Variants in STAT1 observed in about 807,000 individuals in gnomAD.
STAT1 encodes the protein signal transducer and activator of transcription 1.
Under a neutral mutation model 111.7 loss-of-function variants are expected in STAT1, and 24 were observed. The ratio of observed to expected loss-of-function variants is 0.21; its 90% confidence interval spans 0.16 to 0.30. The LOEUF is 0.30. STAT1 is among the 10% of genes least tolerant of loss of function. STAT1 has a pLI of 1.00. For synonymous variants in STAT1, 332 were observed against 326.5 expected, an observed-to-expected ratio of 1.02 and a Z score of -0.18; for missense variants, 351 against 911.9, an observed-to-expected ratio of 0.38 and a Z score of 7.92.
chr2:190,993,199 C>A lies in STAT1; in HGVS notation c.944+1862G>T. On this transcript the variant is annotated intron_variant, in intron 10 of 24. Transcript: ENST00000361099. This position sits in a 1 kb window ranked among gnomAD's most constrained non-coding sequence, Gnocchi z 4.1. The stretch of plus-strand genomic sequence containing the variant: ...TCTCTGTGGTCAGATCACACTTGTT[C>A]CCTACCAACAATTTGTTGACGTTTT... The A allele has an allele frequency of 3.7e-6, 2 of 542,184 alleles. No individual in the cohort carries two copies. Among genetic ancestry groups the A allele is most frequent in the Admixed American group, 5.5e-5 (2 of 36,176 alleles). The allele number at this position is 542,184 out of a possible 1,614,324, so 33.6% of individuals were successfully genotyped here.
chr2:191,002,324 C>T (rs769755888), intron 5 of STAT1, among the ~76,000 whole-genome samples: 2 of 152,176 alleles, frequency 1.3e-5, no homozygotes, highest in Non-Finnish European at 2.9e-5. Flanking sequence ...CATGAATTTC[C>T]ATATGCACAC....
chr2:191,004,945 A>G lies in STAT1; in HGVS notation c.372+2618T>C, dbSNP rs1344779702. The stretch of plus-strand genomic sequence containing the variant: ...TGCAACTAGCTTTTTCACCACAAAG[A>G]AAAAAAGAAAGAAAAAAACTTAGTG... On this transcript the variant is annotated intron_variant, in intron 5 of 24. Transcript: ENST00000361099. The surrounding 1 kb of genome is among the most constrained non-coding windows in gnomAD (Gnocchi z 5.0). Among the ~76,000 whole-genome samples the G allele has an allele frequency of 2.0e-5, 3 of 152,148 alleles. No individual in the cohort carries two copies. Among genetic ancestry groups the G allele is most frequent in the African/African-American group, 7.2e-5 (3 of 41,386 alleles).
rs948902265 is a variant in STAT1, at chr2:190,977,713, G to C, written c.1874-688C>G. On this transcript the variant is annotated intron_variant, in intron 21 of 24. Transcript: ENST00000361099. This position sits in a 1 kb window ranked among gnomAD's most constrained non-coding sequence, Gnocchi z 4.7. ...GCTGCCATCCTAACCCTTCCTGGCT[G>C]GTAGTGTCCTGCTTGACCTTTCCTG... Among the ~76,000 whole-genome samples the C allele has an allele frequency of 6.6e-5, 10 of 152,050 alleles. No homozygotes were observed. The highest frequency in any genetic ancestry group is 5.9e-4 in the Admixed American group (9 of 15,252).
Position 190,993,307 on chromosome 2 carries a change from G to A in STAT1, c.944+1754C>T. ...GATCTGTCACATCATACACCACTAG[G>A]ATGCCATTGGCTCCTCTGTAATAAC... On this transcript the variant is annotated intron_variant, in intron 10 of 24. Transcript: ENST00000361099. The surrounding 1 kb of genome is among the most constrained non-coding windows in gnomAD (Gnocchi z 4.1). 1 of 689,658 alleles carries A rather than the reference G, an allele frequency of 1.4e-6. No homozygotes were observed. The highest frequency in any genetic ancestry group is 2.7e-6 in the Non-Finnish European group (1 of 372,606). The allele number at this position is 689,658 out of a possible 1,614,324, so 42.7% of individuals were successfully genotyped here.
At position 190,990,103 on chromosome 2, in the gene STAT1, T is replaced by C. The variant is rs1184205168; in HGVS notation, c.1038-429A>G. Reference sequence around the variant, plus strand: ...GGGAGACAATAAAAACTATTGCCCATAAGCAGAAAAAATAGCGTCCCATCT... The same window carrying C: ...GGGAGACAATAAAAACTATTGCCCACAAGCAGAAAAAATAGCGTCCCATCT... On this transcript the variant is annotated intron_variant, in intron 11 of 24. Transcript: ENST00000361099. This position sits in a 1 kb window ranked among gnomAD's most constrained non-coding sequence, Gnocchi z 5.1. Among the ~76,000 whole-genome samples the C allele has an allele frequency of 1.3e-5, 2 of 152,160 alleles. No homozygotes were observed. Among genetic ancestry groups the C allele is most frequent in the Non-Finnish European group, 2.9e-5 (2 of 68,024 alleles).
rs1229211126 is a variant in STAT1 at position 191,007,256 on chromosome 2, T to C, written c.372+307A>G. On this transcript the variant is annotated intron_variant, in intron 5 of 24. Coordinates refer to ENST00000361099, the MANE Select transcript of STAT1 (RefSeq NM_007315.4). The surrounding 1 kb of genome is among the most constrained non-coding windows in gnomAD (Gnocchi z 4.2). ...GCAACTCAGAGGCCTTTCCTGACCC[T>C]GATCTAAAGGAACAACCCCACTCCC... is the stretch of plus-strand genomic sequence containing the variant. Among the ~76,000 whole-genome samples the C allele has an allele frequency of 1.3e-5, 2 of 152,154 alleles. No individual in the cohort carries two copies. The highest frequency in any genetic ancestry group is 4.8e-5 in the African/African-American group (2 of 41,418).
chr2:191,007,166 T>G lies in STAT1; in HGVS notation c.372+397A>C, dbSNP rs1694769290. ...TCCACTGATTCTACTGAGCGCAAGCTTCCACTGCCTCTACCTTGGACAGCT... is the reference window on the plus strand; with the variant it reads ...TCCACTGATTCTACTGAGCGCAAGCGTCCACTGCCTCTACCTTGGACAGCT... On this transcript the variant is annotated intron_variant, in intron 5 of 24. Transcript: ENST00000361099. This position sits in a 1 kb window ranked among gnomAD's most constrained non-coding sequence, Gnocchi z 4.2. Among the ~76,000 whole-genome samples the G allele has an allele frequency of 6.6e-6, 1 of 152,198 alleles. No individual in the cohort carries two copies. The highest frequency in any genetic ancestry group is 2.4e-5 in the African/African-American group (1 of 41,454).
chr2:190,977,152 T>A lies in STAT1; in HGVS notation c.1874-127A>T. ...TAAGAACTAATCACAATCTAAGCAT[T>A]ATAACATATACAGTAGACTGCTTTA... On this transcript the variant is annotated intron_variant, in intron 21 of 24. Transcript: ENST00000361099. The surrounding 1 kb of genome is among the most constrained non-coding windows in gnomAD (Gnocchi z 4.7). The A allele has an allele frequency of 1.1e-6, 1 of 872,184 alleles. No homozygotes were observed. Among genetic ancestry groups the A allele is most frequent in the East Asian group, 2.6e-5 (1 of 38,308 alleles). The allele number at this position is 872,184 out of a possible 1,614,324, so 54.0% of individuals were successfully genotyped here. A position where few individuals can be genotyped will look rare whatever the true frequency, so the allele number is the denominator to read the frequency against.
intron 10 of STAT1, among the ~76,000 whole-genome samples, chr2:190,992,259 A>G (rs1241137154): frequency 2.0e-5 from 3 of 152,232 alleles, no homozygotes; most frequent in Non-Finnish European, 2.9e-5. Flanking sequence ...AGTGACAGAC[A>G]CTGCTTGTGC....
At position 190,973,004 on chromosome 2, in the gene STAT1, G is replaced by C. The variant is rs1022514992; in HGVS notation, c.2238+1826C>G. ...TTCTCACAGTATCATCCTGAGAGCA[G>C]AGAGAGCAGTCCAACTGCTCCACAG... On this transcript the variant is annotated intron_variant, in intron 24 of 24. Transcript: ENST00000361099. The surrounding 1 kb of genome is among the most constrained non-coding windows in gnomAD (Gnocchi z 4.4). 4.6e-5 allele frequency among the ~76,000 whole-genome samples: 7 copies of C among 152,148 alleles called. No homozygotes were observed. The highest frequency in any genetic ancestry group is 1.7e-4 in the African/African-American group (7 of 41,410).
intron 2 of STAT1, chr2:191,010,412 A>T: frequency 2.1e-6 from 1 of 470,826 alleles, no homozygotes; most frequent in Non-Finnish European, 4.4e-6. Context: ...ACTTGAAGGG[A>T]TGGATGTTGG....
rs1270172122 is a variant in STAT1 at position 191,004,033 on chromosome 2, G to A, written c.373-2870C>T. Among the ~76,000 whole-genome samples the A allele has an allele frequency of 6.6e-6, 1 of 152,112 alleles. No individual in the cohort carries two copies. Among genetic ancestry groups the A allele is most frequent in the Non-Finnish European group, 1.5e-5 (1 of 68,020 alleles). On this transcript the variant is annotated intron_variant, in intron 5 of 24. Coordinates refer to ENST00000361099, the MANE Select transcript of STAT1 (RefSeq NM_007315.4). This position sits in a 1 kb window ranked among gnomAD's most constrained non-coding sequence, Gnocchi z 5.0. ...TGGGAGATGCTTGGTGGAAAAACCT[G>A]GTGACTGTGGCAGGGCCTAAGAAAT...
rs1694987088 is a variant in STAT1 at position 191,009,758 on chromosome 2, A to C, written c.128+118T>G. On this transcript the variant is annotated intron_variant, in intron 3 of 24. Transcript: ENST00000361099. Reference sequence around the variant, plus strand: ...TAAATCAACAAACTTTTCTACAACAAATAATTCCAGTGGCCATTGATGGAA... The same window carrying C: ...TAAATCAACAAACTTTTCTACAACACATAATTCCAGTGGCCATTGATGGAA... The C allele has an allele frequency of 2.0e-5, 28 of 1,404,088 alleles. No individual in the cohort carries two copies. The East Asian group carries it at 6.5e-4, about 32-fold the overall frequency. The allele number at this position is 1,404,088 out of a possible 1,614,324, so 87.0% of individuals were successfully genotyped here.
chr2:191,011,897 C>T (rs946662734), intron 2 of STAT1, among the ~76,000 whole-genome samples: 4 of 151,978 alleles, frequency 2.6e-5, no homozygotes, highest in Non-Finnish European at 5.9e-5. Flanking sequence ...ACAATAAACA[C>T]GAGCCAAGAA....
chr2:190,982,554 C>G lies in STAT1; in HGVS notation c.1447-36G>C. The G allele has an allele frequency of 6.2e-7, 1 of 1,611,898 alleles. No individual in the cohort carries two copies. Among genetic ancestry groups the G allele is most frequent in the South Asian group, 1.1e-5 (1 of 91,024 alleles). ...AACACCCAAAATCTAAGGGTTACTA[C>G]AGAGACACCAGTCACAAGTGTGGCA... On this transcript the variant is annotated intron_variant, in intron 17 of 24. Transcript: ENST00000361099. This position sits in a 1 kb window ranked among gnomAD's most constrained non-coding sequence, Gnocchi z 7.3.
Position 191,003,739 on chromosome 2 carries a change from A to G in STAT1, c.373-2576T>C, listed in dbSNP as rs762536200. On this transcript the variant is annotated intron_variant, in intron 5 of 24. Transcript: ENST00000361099. The surrounding 1 kb of genome is among the most constrained non-coding windows in gnomAD (Gnocchi z 4.0). ...AGTCAATTAAACCTCTTTTCTTATA[A>G]ATTACCCAGTCTCAGGTATTTCTTT... 3.3e-5 allele frequency among the ~76,000 whole-genome samples: 5 copies of G among 152,192 alleles called. No individual in the cohort carries two copies. Among genetic ancestry groups the G allele is most frequent in the Non-Finnish European group, 5.9e-5 (4 of 68,040 alleles).
rs979815985 is a variant in STAT1, at chr2:190,980,474, T to C, written c.1632+146A>G. ...ACCAACCTCCTGCACTGAAGAAAAG[T>C]AAACAACTTGCCCGAGGGGCTCCTT... On this transcript the variant is annotated intron_variant, in intron 19 of 24. Transcript: ENST00000361099. The surrounding 1 kb of genome is among the most constrained non-coding windows in gnomAD (Gnocchi z 6.1). 2.7e-5 allele frequency: 25 copies of C among 923,858 alleles called. No individual in the cohort carries two copies. The highest frequency in any genetic ancestry group is 4.0e-5 in the Non-Finnish European group (23 of 574,216). 57.2% of individuals were successfully genotyped at this position (923,858 alleles called of 1,614,324 possible). A position where few individuals can be genotyped will look rare whatever the true frequency, so the allele number is the denominator to read the frequency against.
At position 190,999,703 on chromosome 2, in the gene STAT1, C is replaced by T; in HGVS notation, c.464G>A (p.Cys155Tyr). ...KVRNVKDKVM[C>Y]IEHEIKSLED... ...CAGGCTCTTGATTTCATGCTCTATA[C>T]ACTACAAACAAAGATGTAAACATGT... Residue 155 changes from cysteine (C) to tyrosine (Y), a missense_variant and splice_region_variant, in exon 7 of 25, where the codon TGT becomes TAT. Cys to Tyr is a radical substitution (Grantham distance 194). Coordinates refer to ENST00000361099, the MANE Select transcript of STAT1 (RefSeq NM_007315.4). This position sits in a 1 kb window ranked among gnomAD's most constrained non-coding sequence, Gnocchi z 4.1. The T allele has an allele frequency of 2.5e-6, 4 of 1,609,288 alleles. No homozygotes were observed. Among genetic ancestry groups the T allele is most frequent in the Non-Finnish European group, 2.6e-6 (3 of 1,175,822 alleles).
At chr2:190,991,046 C>T (rs956399759) in intron 11 of STAT1, among the ~76,000 whole-genome samples, 182 bp downstream of exon 11, 3 of 152,158 alleles carry the variant, frequency 2.0e-5, no homozygotes, top group African/African-American at 7.2e-5. Context: ...ATATCAGTTA[C>T]ATTTCTACTA....
Sources: allele counts gnomAD v4.1 joint callset (sites outside exome capture counted in the v4.1 genomes callset), GRCh38; gene constraint gnomAD v4.1.1; non-coding constraint Gnocchi (gnomAD v3.1); transcripts MANE v1.5; gene names NCBI Gene and HGNC (gene_info 2026-07-23, HGNC 2026-07-21).